The following NEXN variants were observed in gnomAD, a reference collection of about 807,000 sequenced individuals.
The protein encoded by NEXN is nexilin.
NEXN carries 65 observed loss-of-function variants against 92.6 expected under a neutral mutation model. That is an observed-to-expected ratio of 0.70 (90% CI 0.57 to 0.86). NEXN has a LOEUF of 0.86. Among genes scored for constraint, NEXN ranks in the 40% least tolerant of loss-of-function variants. NEXN has a pLI of 0.00. For synonymous variants in NEXN, 254 were observed against 242.5 expected (o/e 1.05, Z -0.44); for missense variants, 778 against 771.1 (o/e 1.01, Z -0.11).
rs753979244 is a variant in NEXN at position 77,936,040 on chromosome 1, A to G, written c.1469A>G (p.His490Arg). Residue 490 changes from histidine to arginine, a missense_variant, in exon 11 of 13, where the codon CAT becomes CGT. Coordinates refer to ENST00000334785, the MANE Select transcript of NEXN (RefSeq NM_144573.4). ...AAAGAGCGAGAAGCTGAAAATTTTC[A>G]TGAGGTATATTACCTTTATATTTAA... ...EIKEREAENF[H>R]EEDDVDVRPA... The G allele has an allele frequency of 6.3e-7, 1 of 1,599,938 alleles. No individual in the cohort carries two copies. The highest frequency in any genetic ancestry group is 1.3e-5 in the African/African-American group (1 of 74,644).
intron 5 of NEXN, among the ~76,000 whole-genome samples, chr1:77,923,944 G>A (rs1044193292): frequency 2.0e-5 from 3 of 152,032 alleles, no homozygotes; most frequent in Non-Finnish European, 4.4e-5. Flanking sequence ...TCAAAGTGCT[G>A]GGATTATAGG....
chr1:77,939,538 T>A (rs1446050890), intron 11 of NEXN, among the ~76,000 whole-genome samples: 1 of 152,250 alleles, frequency 6.6e-6, no homozygotes, highest in African/African-American at 2.4e-5. Context: ...CTTTTGTTAA[T>A]GGTAGTGAAA....
intron 11 of NEXN, among the ~76,000 whole-genome samples, chr1:77,936,630 C>T (rs774496984): frequency 6.6e-6 from 1 of 152,192 alleles, no homozygotes; most frequent in African/African-American, 2.4e-5. Context: ...TTTGAATTAT[C>T]TTCAAACATA....
chr1:77,915,836 T>A (rs1648931629), intron 1 of NEXN, among the ~76,000 whole-genome samples: 1 of 152,196 alleles, frequency 6.6e-6, no homozygotes, highest in South Asian at 2.1e-4. Context: ...ATCAAGCTAT[T>A]CTGGATCAAA....
chr1:77,929,253 T>G, intron 8 of NEXN, 63 bp from the exon 9 acceptor site: 1 of 1,213,386 alleles, frequency 8.2e-7, no homozygotes, highest in Non-Finnish European at 1.2e-6. Flanking sequence ...GCCTTTTGAT[T>G]AATAATTCAT....
At chr1:77,895,029 A>ATTTTTTTTTTTTTTTTT (rs559226754) in intron 1 of NEXN, among the ~76,000 whole-genome samples, 2 of 61,654 alleles carry the variant, frequency 3.2e-5, no homozygotes, top group African/African-American at 1.4e-4. Flanking sequence ...CTATAGTGTA[A>ATTTTTTTTTTTTTTTTT]TTTTTTTTTT....
intron 2 of NEXN, among the ~76,000 whole-genome samples, chr1:77,917,020 G>A (rs1193952759): frequency 2.0e-5 from 3 of 152,118 alleles, no homozygotes; most frequent in South Asian, 2.1e-4. Flanking sequence ...CACAGACCAC[G>A]GTGTACCTCA....
chr1:77,943,236 AC>A lies in NEXN; in HGVS notation c.*408del. 4.6e-6 allele frequency: 1 copy of A among 215,240 alleles called. No homozygotes were observed. Among genetic ancestry groups the A allele is most frequent in the Non-Finnish European group, 9.4e-6 (1 of 105,904 alleles). 13.3% of individuals were successfully genotyped at this position (215,240 alleles called of 1,614,324 possible). Reference sequence around the variant, plus strand: ...CAGCAACTATGTTTAAAAAACAAAAACAAAAAAAAAACACACAAACCTAAGT... The same window carrying A: ...CAGCAACTATGTTTAAAAAACAAAAAAAAAAAAAAACACACAAACCTAAGT... On this transcript the variant is annotated 3_prime_UTR_variant, in exon 13 of 13. Coordinates refer to ENST00000334785, the MANE Select transcript of NEXN (RefSeq NM_144573.4).
intron 9 of NEXN, 126 bp from the exon 10 acceptor site, chr1:77,933,156 C>T: frequency 1.5e-6 from 1 of 647,934 alleles, no homozygotes; most frequent in Non-Finnish European, 2.7e-6. Context: ...AGTGAAACTC[C>T]ATCTCAAAAA....
chr1:77,915,576 C>G (rs1002268907), intron 1 of NEXN, among the ~76,000 whole-genome samples: 1 of 151,994 alleles, frequency 6.6e-6, no homozygotes, highest in Non-Finnish European at 1.5e-5. Context: ...TTGCAGTGAG[C>G]GAGATGGCGC....
intron 8 of NEXN, among the ~76,000 whole-genome samples, chr1:77,927,151 T>C (rs2102126210): frequency 6.6e-6 from 1 of 152,188 alleles, no homozygotes. Context: ...GTGAAATCCC[T>C]GTAATCCCAG....
At chr1:77,941,804 T>A (rs560374261) in intron 11 of NEXN, 3 of 535,952 alleles carry the variant, frequency 5.6e-6, no homozygotes, top group Non-Finnish European at 1.0e-5. Context: ...GATCTTTACA[T>A]TTGGAGAAAA....
In NEXN at chr1:77,917,590, G is replaced by C; in HGVS notation, c.52G>C (p.Val18Leu). The C allele has an allele frequency of 6.2e-7, 1 of 1,612,492 alleles. No homozygotes were observed. The highest frequency in any genetic ancestry group is 8.5e-7 in the Non-Finnish European group (1 of 1,179,416). ...GATTCTGCTTTCTTCATCTAAACCT[G>C]TCCCAAAAACCTATGTACCAAAACT... ...AEILLSSSKP[V>L]PKTYVPKLGK... The change falls in exon 3 of 13, where the codon GTC (valine) becomes CTC (leucine). Residue 18 changes from valine to leucine, a missense_variant. By Grantham distance (32) the Val-to-Leu change is conservative. Around this residue, in one of 3 missense-constraint regions of NEXN, gnomAD observed 236 missense variants for 265.6 expected, o/e 0.89. Transcript: ENST00000334785.
chr1:77,920,740 A>T (rs1356489758), intron 5 of NEXN, among the ~76,000 whole-genome samples: 1 of 152,074 alleles, frequency 6.6e-6, no homozygotes, highest in Admixed American at 6.6e-5. Context: ...ATCTTTGAGG[A>T]TACCCTGATG....
chr1:77,928,310 C>CA (rs199608369), intron 8 of NEXN, among the ~76,000 whole-genome samples: 1,125 of 75,046 alleles, frequency 0.015, 15 homozygotes, highest in African/African-American at 0.041. Context: ...GACCCTGTCT[C>CA]AAAAAAAAAA....
chr1:77,889,669 CAG>C (rs1048946588), intron 1 of NEXN: 20 of 152,036 alleles, frequency 1.3e-4, no homozygotes, highest in African/African-American at 4.8e-4. Flanking sequence ...ACCAAGTTGG[CAG>C]AGAGATAACA....
At chr1:77,904,496 A>G (rs1489674767) in intron 1 of NEXN, among the ~76,000 whole-genome samples, 3 of 152,248 alleles carry the variant, frequency 2.0e-5, no homozygotes, top group Non-Finnish European at 4.4e-5. Flanking sequence ...AAAGGAACAG[A>G]GGATCTTTCA....
chr1:77,895,008 C>A (rs1278908661), intron 1 of NEXN, among the ~76,000 whole-genome samples: 1 of 144,834 alleles, frequency 6.9e-6, no homozygotes, highest in Non-Finnish European at 1.5e-5. Flanking sequence ...GAGCCACCAT[C>A]CATGGCCAGC....
intron 1 of NEXN, among the ~76,000 whole-genome samples, chr1:77,892,291 G>T (rs913365663): frequency 2.0e-5 from 3 of 152,140 alleles, no homozygotes; most frequent in Non-Finnish European, 2.9e-5. Flanking sequence ...GGTGAAGTCT[G>T]TCTGGGTTTT....
Sources: gnomAD v4.1 joint callset for allele counts (sites outside exome capture counted in the v4.1 genomes callset) on GRCh38, gnomAD v4.1.1 for gene constraint, gnomAD v4.1.1 regional missense constraint, MANE v1.5 for transcripts, NCBI Gene and HGNC (gene_info 2026-07-23, HGNC 2026-07-21) for gene names.